Variants in LRGUK observed in about 807,000 individuals in gnomAD.
LRGUK encodes the protein leucine-rich repeat and guanylate kinase domain-containing protein.
LRGUK carries 65 observed loss-of-function variants against 76.0 expected under a neutral mutation model. The observed-to-expected ratio is 0.85, with a 90% CI of 0.70 to 1.05. The LOEUF (loss-of-function observed/expected upper bound fraction) is 1.05. Among genes scored for constraint, LRGUK ranks in the 50% least tolerant of loss-of-function variants. The pLI is 0.00. For synonymous variants in LRGUK, 268 were observed against 265.6 expected (o/e 1.01, Z -0.09); for missense variants, 758 against 732.8 (o/e 1.03, Z -0.40).
At chr7:134,222,886 C>G (rs1801637600) in intron 16 of LRGUK, among the ~76,000 whole-genome samples, 2 of 152,100 alleles carry the variant, frequency 1.3e-5, no homozygotes, top group African/African-American at 4.8e-5. Context: ...GTGTGAGCCA[C>G]CATGCCCCGC....
intron 14 of LRGUK, among the ~76,000 whole-genome samples, chr7:134,200,601 T>A (rs996113693): frequency 2.0e-5 from 3 of 152,160 alleles, no homozygotes; most frequent in African/African-American, 7.2e-5. Context: ...ATGAACTAGA[T>A]GGACAGGGGA....
chr7:134,158,156 T>C, exon 6 of LRGUK: 2 of 1,611,772 alleles, frequency 1.2e-6, no homozygotes, highest in Non-Finnish European at 1.7e-6. Flanking sequence ...AAATACTTTG[T>C]CTGGTGAGTC....
chr7:134,241,505 C>G (rs1055199866), intron 16 of LRGUK, among the ~76,000 whole-genome samples: 1 of 152,222 alleles, frequency 6.6e-6, no homozygotes, highest in African/African-American at 2.4e-5. Context: ...GAAGAGCTAA[C>G]TGTCCTAAAT....
chr7:134,203,029 C>G (rs1240323091), intron 15 of LRGUK, among the ~76,000 whole-genome samples: 1 of 151,964 alleles, frequency 6.6e-6, no homozygotes, highest in African/African-American at 2.4e-5. Context: ...ATGGTGAAAC[C>G]CTGTCTCTAC....
chr7:134,204,766 A>G (rs143292840), intron 15 of LRGUK, among the ~76,000 whole-genome samples: 430 of 152,326 alleles, frequency 2.8e-3, no homozygotes, highest in African/African-American at 7.1e-3. Context: ...TAGTGGGACA[A>G]GAAGTAGAGC....
intron 6 of LRGUK, among the ~76,000 whole-genome samples, chr7:134,159,699 G>T (rs183424450): frequency 1.3e-5 from 2 of 152,342 alleles, no homozygotes; most frequent in Admixed American, 1.3e-4. Context: ...TGAGGCAGGA[G>T]AATTGCTTAA....
intron 1 of LRGUK, among the ~76,000 whole-genome samples, chr7:134,131,584 G>A (rs1021172952): frequency 6.6e-6 from 1 of 152,152 alleles, no homozygotes; most frequent in African/African-American, 2.4e-5. Flanking sequence ...GTAGGGATGA[G>A]ATTGTAGAGG....
intron 16 of LRGUK, among the ~76,000 whole-genome samples, chr7:134,231,309 T>G (rs1801883780): frequency 6.6e-6 from 1 of 152,208 alleles, no homozygotes; most frequent in Non-Finnish European, 1.5e-5. Flanking sequence ...TGTGATAGTT[T>G]ATTGGCAGAT....
chr7:134,228,371 AT>A (rs1204180237), intron 16 of LRGUK, among the ~76,000 whole-genome samples: 1 of 152,194 alleles, frequency 6.6e-6, no homozygotes, highest in African/African-American at 2.4e-5. Context: ...AATGAAAATG[AT>A]TTCAGATAGA....
At chr7:134,155,339 A>G (rs1006829234) in intron 5 of LRGUK, among the ~76,000 whole-genome samples, 2 of 152,204 alleles carry the variant, frequency 1.3e-5, no homozygotes, top group African/African-American at 4.8e-5. Flanking sequence ...GCCCAAAGAA[A>G]GTAGAACCAG....
intron 4 of LRGUK, 71 bp from the exon 5 acceptor site, chr7:134,148,167 A>G (rs2116869284): frequency 1.1e-6 from 1 of 946,806 alleles, no homozygotes; most frequent in Non-Finnish European, 1.7e-6. Flanking sequence ...TTCTTCTTGC[A>G]CAGTTAATTA....
chr7:134,262,693 C>T (rs1031052503), intron 19 of LRGUK, among the ~76,000 whole-genome samples: 1 of 151,716 alleles, frequency 6.6e-6, no homozygotes, highest in Non-Finnish European at 1.5e-5. Flanking sequence ...AAGGGCCAGA[C>T]TCAGTGGCTC....
intron 12 of LRGUK, among the ~76,000 whole-genome samples, chr7:134,195,022 G>T (rs892532727): frequency 6.6e-6 from 1 of 152,148 alleles, no homozygotes; most frequent in Non-Finnish European, 1.5e-5. Flanking sequence ...GTGGGGGGAA[G>T]CCAGTGAGCC....
exon 3 of LRGUK, chr7:134,139,466 T>C (rs1174929652): frequency 6.2e-7 from 1 of 1,611,000 alleles, no homozygotes; most frequent in Non-Finnish European, 8.5e-7. Flanking sequence ...TAGCATTCTC[T>C]GTGGATATGT....
At chr7:134,157,962 A>G in intron 5 of LRGUK, 73 bp from the exon 6 acceptor site, 2 of 1,410,428 alleles carry the variant, frequency 1.4e-6, no homozygotes, top group Non-Finnish European at 2.0e-6. Context: ...TCTAGTGATG[A>G]TTTAACACTG....
chr7:134,265,240 A>G (rs995423935), downstream of LRGUK, among the ~76,000 whole-genome samples: 1 of 152,212 alleles, frequency 6.6e-6, no homozygotes, highest in Non-Finnish European at 1.5e-5. Flanking sequence ...TTTAGGGACA[A>G]TAGAAAATAT....
intron 16 of LRGUK, among the ~76,000 whole-genome samples, chr7:134,223,256 C>T (rs894545285): frequency 5.3e-4 from 81 of 152,108 alleles, no homozygotes; most frequent in Non-Finnish European, 9.8e-4. Flanking sequence ...TCATTCTTCC[C>T]GGCAACTTCC....
At chr7:134,212,906 T>C (rs534953582), downstream of LRGUK, among the ~76,000 whole-genome samples, 1 of 152,302 alleles carries the variant, frequency 6.6e-6, no homozygotes, top group African/African-American at 2.4e-5. Context: ...GGAAAATCCA[T>C]TTGTTAACTT....
At chr7:134,202,037 C>T (rs1390182312) in intron 15 of LRGUK, among the ~76,000 whole-genome samples, 1 of 152,156 alleles carries the variant, frequency 6.6e-6, no homozygotes, top group Non-Finnish European at 1.5e-5. Flanking sequence ...ATCAATGTTC[C>T]TGATCCTAGC....
Sources: allele counts gnomAD v4.1 joint callset (sites outside exome capture counted in the v4.1 genomes callset), GRCh38; gene constraint gnomAD v4.1.1; transcripts MANE v1.5; gene names NCBI Gene and HGNC (gene_info 2026-07-23, HGNC 2026-07-21).